The following ARHGAP17 variants were observed in gnomAD, a reference collection of about 807,000 sequenced individuals.
ARHGAP17 encodes Rho GTPase activating protein 17.
A neutral mutation model predicts 99.5 loss-of-function variants in ARHGAP17; 57 were observed. The ratio of observed to expected loss-of-function variants is 0.57; its 90% CI spans 0.46 to 0.71. The LOEUF is 0.71. ARHGAP17 is among the 30% of genes least tolerant of loss of function. The pLI, the probability that ARHGAP17 is intolerant of heterozygous loss-of-function variation, is 0.00. For missense variants in ARHGAP17, 1,000 were observed against 1,122.4 expected (o/e 0.89, Z 1.56); for synonymous variants, 417 against 429.6 (o/e 0.97, Z 0.36).
chr16:24,992,515 T>C (rs1394884348), intron 1 of ARHGAP17, among the ~76,000 whole-genome samples: 1 of 151,990 alleles, frequency 6.6e-6, no homozygotes, highest in Non-Finnish European at 1.5e-5. Context: ...TTTGTATTTT[T>C]AGTAGAGATG....
chr16:24,970,471 C>A (rs1165100458), intron 4 of ARHGAP17, 36 bp downstream of exon 4: 1 of 1,599,558 alleles, frequency 6.3e-7, no homozygotes, highest in South Asian at 1.1e-5. Context: ...CACCAATCTA[C>A]ATGGCACTTG....
chr16:24,950,168 G>C (rs1392092607), intron 12 of ARHGAP17, among the ~76,000 whole-genome samples: 1 of 152,144 alleles, frequency 6.6e-6, no homozygotes, highest in Admixed American at 6.5e-5. Context: ...CATGGATAGG[G>C]ATTAAACATA....
In ARHGAP17 at chr16:24,959,974, T is replaced by C; in HGVS notation, c.579A>G (p.Gln193=). The change falls in exon 8 of 20, where the codon CAA becomes CAG. Residue 193 remains glutamine (Q), a synonymous_variant. Transcript: ENST00000289968. ...AGNKVEQCKD[Q]LAADMYNFMA... is the part of the protein sequence containing the mutation. ...TAAAGTTGTACATGTCTGCTGCAAG[T>C]TGATCCTGGGTAAATGGAAGATAAG... The C allele has an allele frequency of 6.2e-7, 1 of 1,613,982 alleles. No individual in the cohort carries two copies. The highest frequency in any genetic ancestry group is 8.5e-7 in the Non-Finnish European group (1 of 1,179,940).
intron 3 of ARHGAP17, among the ~76,000 whole-genome samples, chr16:24,970,963 C>A (rs926409776): frequency 3.3e-5 from 5 of 152,142 alleles, no homozygotes; most frequent in African/African-American, 7.2e-5. Context: ...GCAGTCTCCA[C>A]CTTCCAGGTT....
intron 1 of ARHGAP17, among the ~76,000 whole-genome samples, chr16:25,003,143 C>A (rs1007147039): frequency 2.7e-5 from 4 of 146,312 alleles, no homozygotes; most frequent in Non-Finnish European, 6.0e-5. Context: ...ACTTGATATT[C>A]AATGTATAAC....
At chr16:24,987,043 C>T (rs896108337) in intron 1 of ARHGAP17, among the ~76,000 whole-genome samples, 2 of 152,242 alleles carry the variant, frequency 1.3e-5, no homozygotes, top group Non-Finnish European at 2.9e-5. Context: ...CTGGTCTCTA[C>T]TGATAAACAT....
chr16:24,943,328 C>T lies in ARHGAP17; in HGVS notation c.1333+443G>A, dbSNP rs190971808. Among the ~76,000 whole-genome samples the T allele has an allele frequency of 9.8e-5, 15 of 152,332 alleles. No homozygotes were observed. In the East Asian group the frequency reaches 2.7e-3, roughly 27 times the overall value. On this transcript the variant is annotated intron_variant, in intron 15 of 19. Transcript: ENST00000289968. ...AACAAGCCCTCTTCCAAGTGAAAAACTCCAGCATATTCAACATCGCCTCTT... is the reference window on the plus strand; with the variant it reads ...AACAAGCCCTCTTCCAAGTGAAAAATTCCAGCATATTCAACATCGCCTCTT...
chr16:25,000,298 C>T (rs8061484), intron 1 of ARHGAP17, among the ~76,000 whole-genome samples: 75,612 of 151,962 alleles, frequency 0.5, 20,390 homozygotes, highest in African/African-American at 0.72. Flanking sequence ...GGAAAGGCTC[C>T]CATCTAGAAA....
At chr16:24,979,836 G>A (rs1036271726) in intron 1 of ARHGAP17, among the ~76,000 whole-genome samples, 2 of 152,076 alleles carry the variant, frequency 1.3e-5, no homozygotes, top group Admixed American at 6.5e-5. Context: ...TTAGCCTCCC[G>A]AGTAGCTGGA....
chr16:24,944,817 G>A (rs112997053), intron 14 of ARHGAP17, among the ~76,000 whole-genome samples: 9,803 of 151,350 alleles, frequency 0.065, 1,031 homozygotes, highest in African/African-American at 0.22. Context: ...AGGGTTTCAC[G>A]GTGTTAGCCA....
chr16:24,930,317 TTTACTC>T (rs1327076044), intron 19 of ARHGAP17, among the ~76,000 whole-genome samples: 11 of 152,230 alleles, frequency 7.2e-5, no homozygotes, highest in Non-Finnish European at 1.6e-4. Context: ...TATGAACACT[TTTACTC>T]TTAGAAGTAC....
At chr16:24,924,732 G>A (rs1292558227) in intron 19 of ARHGAP17, among the ~76,000 whole-genome samples, 1 of 151,970 alleles carries the variant, frequency 6.6e-6, no homozygotes. Context: ...GCACGGTAGT[G>A]AGTGCCTGTA....
At chr16:24,979,134 C>T in intron 1 of ARHGAP17, 129 bp from the exon 2 acceptor site, 1 of 641,086 alleles carries the variant, frequency 1.6e-6, no homozygotes, top group Admixed American at 3.7e-5. Flanking sequence ...TTGGCAGGGG[C>T]AGTTTACCAA....
intron 9 of ARHGAP17, 116 bp from the exon 10 acceptor site, chr16:24,954,846 G>A: frequency 5.0e-6 from 7 of 1,388,180 alleles, no homozygotes; most frequent in African/African-American, 1.4e-5. Context: ...GGCTGTGCAA[G>A]AGGGGATACA....
intron 9 of ARHGAP17, 59 bp from the exon 10 acceptor site, chr16:24,954,789 T>C (rs1028224446): frequency 6.3e-7 from 1 of 1,598,108 alleles, no homozygotes; most frequent in Non-Finnish European, 8.5e-7. Flanking sequence ...ACCAAGCTAT[T>C]TTCTCCCCAA....
intron 1 of ARHGAP17, among the ~76,000 whole-genome samples, chr16:24,995,479 G>A (rs1409915670): frequency 6.6e-6 from 1 of 152,220 alleles, no homozygotes; most frequent in Non-Finnish European, 1.5e-5. Context: ...AGCAGAGGCA[G>A]GTGACATGGC....
At chr16:25,005,440 A>G (rs1405124886) in intron 1 of ARHGAP17, among the ~76,000 whole-genome samples, 1 of 152,222 alleles carries the variant, frequency 6.6e-6, no homozygotes, top group East Asian at 1.9e-4. Context: ...ACTTGTTTAT[A>G]TTAAAGTACA....
At chr16:24,972,161 T>C (rs1046233730) in intron 3 of ARHGAP17, among the ~76,000 whole-genome samples, 1 of 152,186 alleles carries the variant, frequency 6.6e-6, no homozygotes, top group Non-Finnish European at 1.5e-5. Flanking sequence ...TGGCTTGTAC[T>C]GGACAGAATA....
At chr16:24,964,145 A>G in intron 7 of ARHGAP17, 52 bp downstream of exon 7, 3 of 1,195,200 alleles carry the variant, frequency 2.5e-6, no homozygotes, top group Non-Finnish European at 3.5e-6. Flanking sequence ...TTGAACTTTC[A>G]TCCCTCATTT....
Sources: allele counts gnomAD v4.1 joint callset (sites outside exome capture counted in the v4.1 genomes callset), GRCh38; gene constraint gnomAD v4.1.1; transcripts MANE v1.5; gene names NCBI Gene and HGNC (gene_info 2026-07-23, HGNC 2026-07-21).